CCDC126: variants seen among roughly 807,000 people sequenced by gnomAD.
CCDC126 encodes coiled-coil domain containing 126.
A neutral mutation model predicts 11.7 loss-of-function variants in CCDC126; 5 were observed. The observed-to-expected ratio is 0.43, with a 90% CI of 0.22 to 0.90. CCDC126 has a LOEUF of 0.90. CCDC126 is among the 40% of genes least tolerant of loss of function. The probability of loss-of-function intolerance (pLI) is 0.27; values close to 1 mark genes in which losing one functional copy is unlikely to be tolerated. For synonymous variants in CCDC126, 60 were observed against 61.9 expected (o/e 0.97, Z 0.14); for missense variants, 150 against 163.1 (o/e 0.92, Z 0.44).
In CCDC126 at chr7:23,618,844, C is replaced by T. The variant is rs559039414; in HGVS notation, c.238+7291C>T. ...TGCTGGGATTACAGGGGTGAGCCAC[C>T]GCGCTTGGCCTAAATTTTTTATTAC... On this transcript the variant is annotated intron_variant, in intron 3 of 3. Transcript: ENST00000307471. Among the ~76,000 whole-genome samples, 30 of 152,142 alleles carry T rather than the reference C, an allele frequency of 2.0e-4. No homozygotes were observed. In the South Asian group the frequency reaches 5.6e-3, roughly 28 times the overall value.
At chr7:23,610,484 GC>G (rs1446863216) in intron 2 of CCDC126, among the ~76,000 whole-genome samples, 1 of 152,182 alleles carries the variant, frequency 6.6e-6, no homozygotes, top group African/African-American at 2.4e-5. Flanking sequence ...AAAGTGTTGG[GC>G]TTACAAGTGT....
chr7:23,617,789 T>C (rs1181749077), intron 3 of CCDC126, among the ~76,000 whole-genome samples: 1 of 152,226 alleles, frequency 6.6e-6, no homozygotes, highest in Non-Finnish European at 1.5e-5. Context: ...TAGATTGACC[T>C]GTAAAACTCA....
intron 3 of CCDC126, among the ~76,000 whole-genome samples, chr7:23,614,690 G>A (rs1253927766): frequency 6.6e-6 from 1 of 152,168 alleles, no homozygotes; most frequent in African/African-American, 2.4e-5. Flanking sequence ...GAGAATGGAT[G>A]TTGTGTTAGC....
rs144745276 is a variant in CCDC126, at chr7:23,613,177, G to A, written c.238+1624G>A. Among the ~76,000 whole-genome samples, 70 of 152,214 alleles carry A rather than the reference G, an allele frequency of 4.6e-4. 1 individual carries two copies. The East Asian group carries it at 0.01, about 22-fold the overall frequency. On this transcript the variant is annotated intron_variant, in intron 3 of 3. Transcript: ENST00000307471. Reference sequence around the variant, plus strand: ...AATACAAAAGTTAGTGGGGCGTGGTGGCGCGCACTTGTAGTTCCAGCTACT... The same window carrying A: ...AATACAAAAGTTAGTGGGGCGTGGTAGCGCGCACTTGTAGTTCCAGCTACT...
chr7:23,606,376 A>G (rs749784499), intron 2 of CCDC126, among the ~76,000 whole-genome samples: 1 of 152,060 alleles, frequency 6.6e-6, no homozygotes, highest in Non-Finnish European at 1.5e-5. Context: ...GTTTTAATAT[A>G]CATTTCCCTA....
At chr7:23,640,212 T>G (rs1463806008) in intron 3 of CCDC126, among the ~76,000 whole-genome samples, 2 of 150,178 alleles carry the variant, frequency 1.3e-5, no homozygotes, top group Non-Finnish European at 3.0e-5. Flanking sequence ...AAATAAAATC[T>G]GGGGGCTGGG....
chr7:23,600,273 T>G (rs1261656251), intron 2 of CCDC126, among the ~76,000 whole-genome samples: 1 of 152,118 alleles, frequency 6.6e-6, no homozygotes, highest in Non-Finnish European at 1.5e-5. Context: ...TGACACTCAT[T>G]ATTTCCGTAT....
rs1374769503 is a variant in CCDC126, at chr7:23,637,092, C to A, written c.239-5839C>A. ...GAGGGAGGTGGTGGGGGTCAGCCCCCCGCCCGGCCAGCCGCCCCGTCCGGG... is the reference window on the plus strand; with the variant it reads ...GAGGGAGGTGGTGGGGGTCAGCCCCACGCCCGGCCAGCCGCCCCGTCCGGG... On this transcript the variant is annotated intron_variant, in intron 3 of 3. Coordinates refer to ENST00000307471, the MANE Select transcript of CCDC126 (RefSeq NM_138771.4). Among the ~76,000 whole-genome samples, 9 of 99,580 alleles carry A rather than the reference C, an allele frequency of 9.0e-5. No individual in the cohort carries two copies. In the East Asian group the frequency reaches 2.8e-3, roughly 31 times the overall value. The allele number at this position is 99,580 out of a possible 152,430, so 65.3% of individuals were successfully genotyped here. A position where few individuals can be genotyped will look rare whatever the true frequency, so the allele number is the denominator to read the frequency against.
chr7:23,631,444 A>G (rs1027271743), intron 3 of CCDC126, among the ~76,000 whole-genome samples: 1 of 152,162 alleles, frequency 6.6e-6, no homozygotes, highest in Non-Finnish European at 1.5e-5. Context: ...CCCAATATGA[A>G]ATAGATAATT....
intron 3 of CCDC126, among the ~76,000 whole-genome samples, chr7:23,616,697 A>C (rs1006526219): frequency 1.3e-5 from 2 of 151,988 alleles, no homozygotes; most frequent in African/African-American, 4.8e-5. Context: ...ATGTGACTTA[A>C]TTTTTGGAAT....
intron 3 of CCDC126, among the ~76,000 whole-genome samples, chr7:23,631,191 A>G (rs1225023646): frequency 6.6e-6 from 1 of 152,176 alleles, no homozygotes; most frequent in African/African-American, 2.4e-5. Flanking sequence ...CAAAAACAGT[A>G]GAGAATATCA....
rs189702999 is a variant in CCDC126, at chr7:23,633,015, G to A, written c.239-9916G>A. Among the ~76,000 whole-genome samples the A allele has an allele frequency of 2.1e-3, 324 of 151,712 alleles. 1 individual carries two copies. The highest frequency in any genetic ancestry group is 7.4e-3 in the African/African-American group (308 of 41,382). On this transcript the variant is annotated intron_variant, in intron 3 of 3. Transcript: ENST00000307471. ...CCTTGCAGTCCTTTTTTTTTGAGAC[G>A]GAGTTTCGCTCTTGTTGCCCAGGCT...
chr7:23,636,870 C>A (rs1449648507), intron 3 of CCDC126, among the ~76,000 whole-genome samples: 18 of 109,192 alleles, frequency 1.6e-4, no homozygotes, highest in African/African-American at 6.3e-4. Flanking sequence ...GCCCCTCTGC[C>A]CGGCCAGTCG....
intron 3 of CCDC126, among the ~76,000 whole-genome samples, chr7:23,639,913 C>T (rs979675228): frequency 2.6e-5 from 4 of 152,132 alleles, no homozygotes; most frequent in South Asian, 2.1e-4. Context: ...CGGTGGCTCA[C>T]GCCTGTAATC....
intron 3 of CCDC126, among the ~76,000 whole-genome samples, chr7:23,613,456 C>T (rs937608669): frequency 6.6e-6 from 1 of 152,180 alleles, no homozygotes; most frequent in Admixed American, 6.5e-5. Context: ...TCTTTCATCT[C>T]ATTTTTTTGG....
chr7:23,613,337 G>A (rs957140233), intron 3 of CCDC126, among the ~76,000 whole-genome samples: 2 of 151,974 alleles, frequency 1.3e-5, no homozygotes, highest in African/African-American at 4.8e-5. Context: ...GTACATGCAT[G>A]TATTTAAATA....
chr7:23,641,508 G>A (rs529937303), intron 3 of CCDC126, among the ~76,000 whole-genome samples: 4 of 151,984 alleles, frequency 2.6e-5, no homozygotes, highest in East Asian at 1.9e-4. Flanking sequence ...TTTAAATATC[G>A]ATGAAGTCCA....
At chr7:23,607,499 G>A (rs1450126699) in intron 2 of CCDC126, among the ~76,000 whole-genome samples, 1 of 152,064 alleles carries the variant, frequency 6.6e-6, no homozygotes, top group African/African-American at 2.4e-5. Context: ...TCCTAAGGAT[G>A]GAGGCTAATA....
intron 3 of CCDC126, among the ~76,000 whole-genome samples, chr7:23,641,776 A>G (rs1454786086): frequency 1.3e-5 from 2 of 152,240 alleles, no homozygotes; most frequent in Admixed American, 6.5e-5. Flanking sequence ...AGTAAAGTTT[A>G]CTGAAACTCC....
Sources: gnomAD v4.1 joint callset for allele counts (sites outside exome capture counted in the v4.1 genomes callset) on GRCh38, gnomAD v4.1.1 for gene constraint, MANE v1.5 for transcripts, NCBI Gene and HGNC (gene_info 2026-07-23, HGNC 2026-07-21) for gene names.